Variants in ATG7 observed in about 807,000 individuals in gnomAD.
The protein encoded by ATG7 is ubiquitin-like modifier-activating enzyme ATG7.
A neutral mutation model predicts 82.4 loss-of-function variants in ATG7; 70 were observed. The ratio of observed to expected loss-of-function variants is 0.85; its 90% CI spans 0.70 to 1.04. ATG7 has a LOEUF of 1.04. Among genes scored for constraint, ATG7 ranks in the 50% least tolerant of loss-of-function variants. The pLI is 0.00. For synonymous variants in ATG7, 287 were observed against 313.0 expected (o/e 0.92, Z 0.88); for missense variants, 792 against 864.3 (o/e 0.92, Z 1.05).
chr3:11,443,347 T>TA (rs2084187178), intron 20 of ATG7, among the ~76,000 whole-genome samples: 1 of 152,214 alleles, frequency 6.6e-6, no homozygotes, highest in Non-Finnish European at 1.5e-5. Flanking sequence ...GGAGATTATA[T>TA]AAATGAAAGC....
At chr3:11,456,286 G>A (rs2085706218) in intron 20 of ATG7, among the ~76,000 whole-genome samples, 1 of 152,132 alleles carries the variant, frequency 6.6e-6, no homozygotes, top group Non-Finnish European at 1.5e-5. Context: ...TGCTTTCATG[G>A]TTCATGCATG....
intron 20 of ATG7, among the ~76,000 whole-genome samples, chr3:11,495,485 C>T (rs917907217): frequency 5.9e-5 from 9 of 152,158 alleles, no homozygotes; most frequent in African/African-American, 1.4e-4. Flanking sequence ...ATGCCAGCAA[C>T]TCCCTGCGCT....
intron 18 of ATG7, among the ~76,000 whole-genome samples, chr3:11,372,311 T>A (rs1559489019): frequency 6.6e-6 from 1 of 151,092 alleles, no homozygotes; most frequent in Non-Finnish European, 1.5e-5. Context: ...GCGTACAATT[T>A]TTTTTTTCTA....
intron 6 of ATG7, 127 bp from the exon 7 acceptor site, chr3:11,308,857 T>A: frequency 1.2e-6 from 1 of 826,222 alleles, no homozygotes; most frequent in Non-Finnish European, 2.1e-6. Context: ...ACTTCATTGT[T>A]TGGGGTAAGT....
chr3:11,548,412 T>C (rs375768188), intron 20 of ATG7, among the ~76,000 whole-genome samples: 405 of 152,278 alleles, frequency 2.7e-3, no homozygotes, highest in African/African-American at 9.3e-3. Flanking sequence ...AGTTTACTTA[T>C]TTTGTTGTTG....
intron 6 of ATG7, among the ~76,000 whole-genome samples, chr3:11,307,333 C>T (rs1947916504): frequency 1.3e-5 from 2 of 152,242 alleles, no homozygotes; most frequent in African/African-American, 4.8e-5. Context: ...GTTTGCTGCT[C>T]ATCTCCAGCC....
intron 20 of ATG7, among the ~76,000 whole-genome samples, chr3:11,492,323 G>C (rs564939046): frequency 6.6e-6 from 1 of 152,146 alleles, no homozygotes; most frequent in African/African-American, 2.4e-5. Context: ...GCTTCGGCTC[G>C]CACACGGTGC....
chr3:11,485,241 T>G (rs1393891846), intron 20 of ATG7, among the ~76,000 whole-genome samples: 1 of 152,224 alleles, frequency 6.6e-6, no homozygotes, highest in Non-Finnish European at 1.5e-5. Flanking sequence ...CCATTCTAAC[T>G]GGTGTGAGAT....
In ATG7 at chr3:11,274,258, G is replaced by T. The variant is rs71316461; in HGVS notation, c.-366+1828G>T. Reference sequence around the variant, plus strand: ...TGTGTCTGGCACTGCGCTGCAAGCTGGGAATACAAAAATGAGTAAGATACA... The same window carrying T: ...TGTGTCTGGCACTGCGCTGCAAGCTTGGAATACAAAAATGAGTAAGATACA... On this transcript the variant is annotated intron_variant, in intron 1 of 20. Transcript: ENST00000693202. Among the ~76,000 whole-genome samples, 15 of 152,244 alleles carry T rather than the reference G, an allele frequency of 9.9e-5. 1 individual carries two copies. The East Asian group carries it at 2.9e-3, about 29-fold the overall frequency.
intron 20 of ATG7, among the ~76,000 whole-genome samples, chr3:11,540,924 G>GGA (rs2070768558): frequency 7.9e-6 from 1 of 125,914 alleles, no homozygotes; most frequent in Non-Finnish European, 1.7e-5. Flanking sequence ...GGGAGGGGGG[G>GGA]AGTCTTGCTC....
intron 13 of ATG7, among the ~76,000 whole-genome samples, chr3:11,346,171 G>C (rs972233905): frequency 5.9e-5 from 9 of 152,156 alleles, no homozygotes; most frequent in African/African-American, 2.2e-4. Context: ...TCACTGCAAT[G>C]TCTGCTAAAG....
At chr3:11,525,850 C>T (rs2092566402) in intron 20 of ATG7, among the ~76,000 whole-genome samples, 1 of 151,946 alleles carries the variant, frequency 6.6e-6, no homozygotes, top group South Asian at 2.1e-4. Flanking sequence ...CACTGCACCT[C>T]GCCAGTTATA....
At chr3:11,313,267 T>G in intron 7 of ATG7, 37 bp from the exon 8 acceptor site, 1 of 1,375,784 alleles carries the variant, frequency 7.3e-7, no homozygotes, top group Non-Finnish European at 1.0e-6. Flanking sequence ...AAGTTAATGG[T>G]GCTATTCTAA....
chr3:11,444,602 CTATT>C (rs2152974635), intron 20 of ATG7, among the ~76,000 whole-genome samples: 1 of 152,264 alleles, frequency 6.6e-6, no homozygotes, highest in East Asian at 1.9e-4. Context: ...AAACCCAAAA[CTATT>C]AAAACCCTGG....
In ATG7 at chr3:11,389,232, C is replaced by CAAA. The variant is rs752930553; in HGVS notation, c.1956+9203_1956+9205dup. ...TGGGGAACAGAGAGAGACCCTGTCT[C>CAAA]AAAAAAAAAAAAAAAAAAAAAAAAA... On this transcript the variant is annotated intron_variant, in intron 19 of 20. Coordinates refer to ENST00000693202, the MANE Select transcript of ATG7 (RefSeq NM_001349232.2). Among the ~76,000 whole-genome samples, 418 of 56,484 alleles carry CAAA rather than the reference C, an allele frequency of 7.4e-3. 14 individuals carry two copies. The highest frequency in any genetic ancestry group is 0.019 in the African/African-American group (243 of 12,598). 37.1% of individuals were successfully genotyped at this position (56,484 alleles called of 152,430 possible).
At position 11,307,033 on chromosome 3, in the gene ATG7, G is replaced by A; in HGVS notation, c.306G>A (p.Lys102=). ...TLESFKTADK[K]LLLEQAANEI... ...AGTCTTTCAAGACTGCAGATAAGAA[G>A]CTCCTTTTGGAACAAGCAGCAAATG... Residue 102 remains lysine (K), a synonymous_variant, in exon 6 of 21, where the codon AAG becomes AAA. Coordinates refer to ENST00000693202, the MANE Select transcript of ATG7 (RefSeq NM_001349232.2). The A allele has an allele frequency of 6.2e-7, 1 of 1,613,924 alleles. No homozygotes were observed. Among genetic ancestry groups the A allele is most frequent in the South Asian group, 1.1e-5 (1 of 91,082 alleles).
chr3:11,450,702 C>T (rs1443263578), intron 20 of ATG7, among the ~76,000 whole-genome samples: 1 of 152,178 alleles, frequency 6.6e-6, no homozygotes, highest in Non-Finnish European at 1.5e-5. Flanking sequence ...TAAATTTTTG[C>T]ACATTAAGCT....
intron 19 of ATG7, among the ~76,000 whole-genome samples, chr3:11,391,581 T>C (rs1417317757): frequency 6.6e-6 from 1 of 152,220 alleles, no homozygotes; most frequent in Non-Finnish European, 1.5e-5. Context: ...CAGCGGTTCT[T>C]GTCCCTGTCC....
chr3:11,398,050 C>T (rs982524724), intron 19 of ATG7, among the ~76,000 whole-genome samples: 1 of 149,844 alleles, frequency 6.7e-6, no homozygotes, highest in Non-Finnish European at 1.5e-5. Flanking sequence ...CACCACTGCA[C>T]TCCAGCCTGG....
Sources: allele counts gnomAD v4.1 joint callset (sites outside exome capture counted in the v4.1 genomes callset), GRCh38; gene constraint gnomAD v4.1.1; transcripts MANE v1.5; gene names NCBI Gene and HGNC (gene_info 2026-07-23, HGNC 2026-07-21).